PCTP: variants seen among roughly 807,000 people sequenced by gnomAD.
The protein encoded by PCTP is phosphatidylcholine transfer protein.
PCTP carries 27 observed loss-of-function variants against 31.0 expected under a neutral mutation model. That is an observed-to-expected ratio of 0.87 (90% CI 0.64 to 1.20). PCTP has a LOEUF of 1.20. PCTP is among the 50% of genes most tolerant of loss of function. The pLI, the probability that PCTP is intolerant of heterozygous loss-of-function variation, is 0.00. For synonymous variants in PCTP, 108 were observed against 101.2 expected, an observed-to-expected ratio of 1.07 and a Z score of -0.40; for missense variants, 287 against 268.2, an observed-to-expected ratio of 1.07 and a Z score of -0.49.
intron 2 of PCTP, among the ~76,000 whole-genome samples, chr17:55,784,967 A>G (rs550495384): frequency 6.6e-6 from 1 of 152,334 alleles, no homozygotes; most frequent in African/African-American, 2.4e-5. Context: ...CCACATCTGT[A>G]TATAGCACAC....
intron 5 of PCTP, among the ~76,000 whole-genome samples, chr17:55,829,312 G>T (rs1905517745): frequency 6.6e-6 from 1 of 152,000 alleles, no homozygotes; most frequent in Non-Finnish European, 1.5e-5. Flanking sequence ...ATTTTTGTTT[G>T]TTTGTTTGTT....
intron 5 of PCTP, chr17:55,775,549 G>A (rs1911282586): frequency 1.7e-6 from 2 of 1,173,892 alleles, no homozygotes; most frequent in Non-Finnish European, 2.1e-6. Flanking sequence ...TAAAAATGAA[G>A]ATAGATGTCT....
intron 3 of PCTP, among the ~76,000 whole-genome samples, chr17:55,791,689 C>G (rs1051045053): frequency 2.6e-5 from 4 of 152,040 alleles, no homozygotes; most frequent in African/African-American, 9.7e-5. Flanking sequence ...GAAATAGGAA[C>G]ACTTTTACAC....
intron 3 of PCTP, among the ~76,000 whole-genome samples, chr17:55,817,007 G>A (rs1912941345): frequency 6.6e-6 from 1 of 152,178 alleles, no homozygotes; most frequent in East Asian, 1.9e-4. Context: ...CATTTTAATA[G>A]AATGTGAAAG....
At chr17:55,834,348 C>G (rs1220512917) in intron 5 of PCTP, among the ~76,000 whole-genome samples, 1 of 148,296 alleles carries the variant, frequency 6.7e-6, no homozygotes. Flanking sequence ...GATGCTCTCC[C>G]TCTCCCTGCT....
chr17:55,772,362 CA>C (rs1407356336), intron 3 of PCTP, among the ~76,000 whole-genome samples: 6 of 151,978 alleles, frequency 3.9e-5, no homozygotes, highest in African/African-American at 1.5e-4. Context: ...CCAAAGTGGG[CA>C]GATCACTTGA....
Position 55,795,697 on chromosome 17 carries a change from T to C in PCTP, c.317+8043T>C, listed in dbSNP as rs567381732. 1.1e-4 allele frequency among the ~76,000 whole-genome samples: 17 copies of C among 152,202 alleles called. No individual in the cohort carries two copies. The South Asian group carries it at 3.3e-3, about 30-fold the overall frequency. ...AGATTTCACTCATAGATGTTGCTCA[T>C]TGACTAACACATAGTAGATATTAAA... is the stretch of plus-strand genomic sequence containing the variant. On this transcript the variant is annotated intron_variant, in intron 3 of 3. Coordinates refer to the PCTP transcript ENST00000572536.
intron 5 of PCTP, among the ~76,000 whole-genome samples, chr17:55,841,949 C>A: frequency 6.6e-6 from 1 of 152,102 alleles, no homozygotes; most frequent in East Asian, 1.9e-4. Flanking sequence ...CTAGCTAATT[C>A]TCTTTATTGA....
At chr17:55,804,973 C>G (rs1322823875) in intron 3 of PCTP, among the ~76,000 whole-genome samples, 2 of 151,944 alleles carry the variant, frequency 1.3e-5, no homozygotes, top group African/African-American at 4.8e-5. Context: ...GTAAAGGGGT[C>G]AATTCACCAG....
intron 5 of PCTP, among the ~76,000 whole-genome samples, chr17:55,828,301 G>A (rs1468565458): frequency 1.3e-5 from 2 of 152,144 alleles, no homozygotes; most frequent in Non-Finnish European, 2.9e-5. Flanking sequence ...TGGGGGCTGG[G>A]CATCTGAAAC....
chr17:55,783,916 T>C lies in PCTP; in HGVS notation c.229-3650T>C, dbSNP rs75542505. Among the ~76,000 whole-genome samples, 77 of 152,302 alleles carry C rather than the reference T, an allele frequency of 5.1e-4. 1 individual carries two copies. The East Asian group carries it at 0.01, about 20-fold the overall frequency. On this transcript the variant is annotated intron_variant, in intron 2 of 3. Transcript: ENST00000572536. ...GCCGTTTCCTCACCTCTCATTTTAG[T>C]TTGTAACTTGATGGCGAGGTTGAGT...
intron 3 of PCTP, among the ~76,000 whole-genome samples, chr17:55,772,454 G>T (rs1166490532): frequency 6.6e-6 from 1 of 151,972 alleles, no homozygotes; most frequent in Non-Finnish European, 1.5e-5. Flanking sequence ...GCTGGGTGTG[G>T]TGGGCGCCTG....
chr17:55,837,724 A>G (rs367589233), intron 5 of PCTP, among the ~76,000 whole-genome samples: 1 of 151,932 alleles, frequency 6.6e-6, no homozygotes, highest in African/African-American at 2.4e-5. Flanking sequence ...GTCTGTAACC[A>G]TCTTCTGACA....
intron 1 of PCTP, among the ~76,000 whole-genome samples, chr17:55,764,925 CT>C (rs780984377): frequency 1.3e-5 from 2 of 152,158 alleles, no homozygotes; most frequent in African/African-American, 2.4e-5. Context: ...ATAATAGAGC[CT>C]TTAGGCAAAG....
chr17:55,822,053 C>T (rs560586076), intron 3 of PCTP, among the ~76,000 whole-genome samples: 4 of 152,286 alleles, frequency 2.6e-5, no homozygotes, highest in South Asian at 4.1e-4. Flanking sequence ...CCTCCACCCC[C>T]AGCACCTGAT....
intron 3 of PCTP, among the ~76,000 whole-genome samples, chr17:55,801,587 A>C (rs1170376114): frequency 1.3e-5 from 2 of 152,214 alleles, no homozygotes; most frequent in African/African-American, 4.8e-5. Context: ...ACTACATGGA[A>C]ACTGAACAAC....
At position 55,776,971 on chromosome 17, in the gene PCTP, T is replaced by C. The variant is rs536478557; in HGVS notation, c.*871T>C. 3 of 985,744 alleles carry C rather than the reference T, an allele frequency of 3.0e-6. No homozygotes were observed. In the East Asian group the frequency reaches 3.4e-4, roughly 112 times the overall value. 61.1% of individuals were successfully genotyped at this position (985,744 alleles called of 1,614,324 possible). On this transcript the variant is annotated 3_prime_UTR_variant, in exon 6 of 6. Coordinates refer to ENST00000268896, the MANE Select transcript of PCTP (RefSeq NM_021213.4). ...AGCCTTGTGAAAAAGTATCTTTCTA[T>C]GCAATAAGATGAATTTTCCTCCCAG...
At chr17:55,788,114 T>G (rs1911818152) in intron 3 of PCTP, among the ~76,000 whole-genome samples, 1 of 152,306 alleles carries the variant, frequency 6.6e-6, no homozygotes, top group Middle Eastern at 3.4e-3. Flanking sequence ...ATTTTATATA[T>G]CTAAACTCTG....
At chr17:55,758,536 T>G (rs1475593232) in intron 1 of PCTP, among the ~76,000 whole-genome samples, 1 of 152,216 alleles carries the variant, frequency 6.6e-6, no homozygotes, top group East Asian at 1.9e-4. Flanking sequence ...TACTTCAGGA[T>G]TGTAAAACTG....
Sources: gnomAD v4.1 joint callset for allele counts (sites outside exome capture counted in the v4.1 genomes callset) on GRCh38, gnomAD v4.1.1 for gene constraint, MANE v1.5 for transcripts, NCBI Gene and HGNC (gene_info 2026-07-23, HGNC 2026-07-21) for gene names.